WDFY3: variants seen among roughly 807,000 people sequenced by gnomAD.
The protein encoded by WDFY3 is WD repeat and FYVE domain-containing protein 3.
WDFY3 carries 66 observed loss-of-function variants against 409.6 expected under a neutral mutation model. The observed-to-expected ratio is 0.16, with a 90% CI of 0.13 to 0.20. The LOEUF is 0.20. Ranked by LOEUF, WDFY3 falls within the 10% of genes least tolerant of loss-of-function variation. The probability of loss-of-function intolerance (pLI) is 1.00; values close to 1 mark genes in which losing one functional copy is unlikely to be tolerated. For synonymous variants in WDFY3, 1,521 were observed against 1,537.1 expected (o/e 0.99, Z 0.25); for missense variants, 3,031 against 4,298.1 (o/e 0.71, Z 8.24).
intron 67 of WDFY3, among the ~76,000 whole-genome samples, chr4:84,676,346 T>C (rs1190029438): frequency 6.6e-6 from 1 of 152,108 alleles, no homozygotes; most frequent in African/African-American, 2.4e-5. Context: ...TTGGCAAAAG[T>C]GGAAAAAGTC....
chr4:84,828,020 T>C (rs1305132011), intron 9 of WDFY3, among the ~76,000 whole-genome samples: 1 of 149,728 alleles, frequency 6.7e-6, no homozygotes, highest in African/African-American at 2.5e-5. Context: ...TTAAAAATTA[T>C]ATCGAGCTAT....
intron 1 of WDFY3, among the ~76,000 whole-genome samples, chr4:84,963,679 T>G (rs1197995571): frequency 1.3e-5 from 2 of 152,230 alleles, no homozygotes; most frequent in Non-Finnish European, 2.9e-5. Context: ...CAATTCTAAC[T>G]AAAACATCAA....
intron 4 of WDFY3, among the ~76,000 whole-genome samples, chr4:84,851,297 AAC>A (rs1758975038): frequency 1.3e-5 from 2 of 152,236 alleles, no homozygotes; most frequent in Admixed American, 1.3e-4. Flanking sequence ...TCTCCCTTTT[AAC>A]AGTCATTACA....
chr4:84,828,980 C>T (rs748905568), intron 9 of WDFY3, 24 bp downstream of exon 9: 3 of 1,537,520 alleles, frequency 2.0e-6, no homozygotes, highest in Admixed American at 2.0e-5. Flanking sequence ...ATTTAAAATA[C>T]ATTCTTAAAT....
intron 39 of WDFY3, among the ~76,000 whole-genome samples, chr4:84,739,898 A>T (rs1011434154): frequency 1.7e-4 from 26 of 152,178 alleles, no homozygotes; most frequent in African/African-American, 6.3e-4. Flanking sequence ...TACTTCTCTT[A>T]GATTTCAATG....
In WDFY3 at chr4:84,736,330, A is replaced by G; in HGVS notation, c.6758-3T>C. The stretch of plus-strand genomic sequence containing the variant: ...ACTTATGCATTTCTTTTCATGGGCT[A>G]TTAAAAAATCAAATTAGATTATTTT... On this transcript the variant is annotated splice_region_variant and splice_polypyrimidine_tract_variant and intron_variant, in intron 41 of 67. Coordinates refer to ENST00000295888, the MANE Select transcript of WDFY3 (RefSeq NM_014991.6). 2 of 1,575,934 alleles carry G rather than the reference A, an allele frequency of 1.3e-6. No individual in the cohort carries two copies. The highest frequency in any genetic ancestry group is 1.7e-6 in the Non-Finnish European group (2 of 1,166,584).
chr4:84,820,238 C>A, intron 11 of WDFY3, 52 bp from the exon 12 acceptor site: 1 of 1,417,086 alleles, frequency 7.1e-7, no homozygotes, highest in Non-Finnish European at 9.7e-7. Flanking sequence ...CTTATTTTTT[C>A]TTGATTCCGT....
intron 30 of WDFY3, 91 bp from the exon 31 acceptor site, chr4:84,766,463 T>A: frequency 7.8e-7 from 1 of 1,283,774 alleles, no homozygotes. Context: ...CTGAAAAATA[T>A]ATCTTTTAGA....
At chr4:84,871,284 T>C (rs1274534607) in intron 3 of WDFY3, among the ~76,000 whole-genome samples, 6 of 152,128 alleles carry the variant, frequency 3.9e-5, no homozygotes, top group African/African-American at 1.4e-4. Flanking sequence ...GGATAAAAAT[T>C]ATAGTGGGCT....
intron 50 of WDFY3, among the ~76,000 whole-genome samples, chr4:84,714,767 G>A (rs932271446): frequency 6.6e-6 from 1 of 152,018 alleles, no homozygotes; most frequent in South Asian, 2.1e-4. Flanking sequence ...TGGCTAACAC[G>A]GTGAAACTCC....
intron 3 of WDFY3, among the ~76,000 whole-genome samples, chr4:84,872,872 A>C (rs1474459968): frequency 6.6e-6 from 1 of 152,220 alleles, no homozygotes; most frequent in Non-Finnish European, 1.5e-5. Flanking sequence ...TAAAAAAAGC[A>C]GGATGCAGTA....
intron 16 of WDFY3, among the ~76,000 whole-genome samples, chr4:84,802,415 A>G (rs1750753510): frequency 6.6e-6 from 1 of 151,876 alleles, no homozygotes; most frequent in Non-Finnish European, 1.5e-5. Flanking sequence ...GCCTGCCACC[A>G]TGCCAGGCTA....
rs115949936 is a variant in WDFY3 at position 84,794,782 on chromosome 4, A to G, written c.3269-45T>C. On this transcript the variant is annotated intron_variant, in intron 20 of 67. Transcript: ENST00000295888. ...AAAAAGTCTGTGTTGATTAATATTT[A>G]TATTTTTTAAAAGATGCCAACAAAA... 2,263 of 1,528,878 alleles carry G rather than the reference A, an allele frequency of 1.5e-3. 35 individuals carry two copies. The African/African-American group carries it at 0.029, about 19-fold the overall frequency. 94.7% of individuals were successfully genotyped at this position (1,528,878 alleles called of 1,614,324 possible).
intron 39 of WDFY3, 50 bp downstream of exon 39, chr4:84,740,137 A>G (rs773779663): frequency 3.2e-6 from 5 of 1,578,540 alleles, no homozygotes; most frequent in Non-Finnish European, 4.4e-6. Context: ...TTTTGTTGGA[A>G]TAACATCAAA....
At chr4:84,824,939 T>C (rs985827832) in intron 10 of WDFY3, among the ~76,000 whole-genome samples, 8 of 152,194 alleles carry the variant, frequency 5.3e-5, no homozygotes, top group Non-Finnish European at 1.0e-4. Context: ...TATGCCAATT[T>C]TTCTGAAGAA....
chr4:84,834,054 A>G (rs1756188489), intron 7 of WDFY3, among the ~76,000 whole-genome samples: 1 of 152,234 alleles, frequency 6.6e-6, no homozygotes, highest in South Asian at 2.1e-4. Flanking sequence ...AGTTAAATGC[A>G]ACAAAAAAGT....
At chr4:84,695,346 C>G (rs1729911149) in intron 58 of WDFY3, among the ~76,000 whole-genome samples, 1 of 152,038 alleles carries the variant, frequency 6.6e-6, no homozygotes, top group Non-Finnish European at 1.5e-5. Flanking sequence ...CAGCACAGCA[C>G]TTATTAGGCC....
At chr4:84,923,380 A>G (rs1040030792) in intron 2 of WDFY3, among the ~76,000 whole-genome samples, 8 of 152,180 alleles carry the variant, frequency 5.3e-5, no homozygotes, top group Admixed American at 3.9e-4. Context: ...ACCCTAGCCC[A>G]AGCCCCCCCA....
chr4:84,833,300 T>A (rs1335581460), intron 7 of WDFY3, among the ~76,000 whole-genome samples: 1 of 152,200 alleles, frequency 6.6e-6, no homozygotes. Context: ...ATATATAGTA[T>A]GAATGAAATA....
Sources: allele counts gnomAD v4.1 joint callset (sites outside exome capture counted in the v4.1 genomes callset), GRCh38; gene constraint gnomAD v4.1.1; transcripts MANE v1.5; gene names NCBI Gene and HGNC (gene_info 2026-07-23, HGNC 2026-07-21).